Variants in NIPAL1 observed in about 807,000 individuals in gnomAD.
NIPAL1 encodes magnesium transporter NIPA3.
In NIPAL1, 35 loss-of-function variants were observed where a neutral mutation model predicts 37.7. The observed-to-expected ratio is 0.93, with a 90% confidence interval of 0.71 to 1.23. NIPAL1 has a LOEUF of 1.23. Ranked by LOEUF, NIPAL1 falls within the 50% of genes most tolerant of loss-of-function variation. The pLI is 0.00. For missense variants in NIPAL1, 412 were observed against 473.9 expected, an observed-to-expected ratio of 0.87 and a Z score of 1.21; for synonymous variants, 162 against 183.0, an observed-to-expected ratio of 0.89 and a Z score of 0.93.
rs1169816298 is a variant in NIPAL1 at position 48,037,363 on chromosome 4, CTT to C, written c.*1192_*1193del. 1 of 325,360 alleles carries C rather than the reference CTT, an allele frequency of 3.1e-6. No homozygotes were observed. The highest frequency in any genetic ancestry group is 6.1e-6 in the Non-Finnish European group (1 of 163,936). 20.2% of individuals were successfully genotyped at this position (325,360 alleles called of 1,614,324 possible). A position where few individuals can be genotyped will look rare whatever the true frequency, so the allele number is the denominator to read the frequency against. Reference sequence around the variant, plus strand: ...CCAGGTGAATTCAGCTTTGGAGTCACTTATGTTCATTTTTTTTCCTTTTCTTT... The same window carrying C: ...CCAGGTGAATTCAGCTTTGGAGTCACATGTTCATTTTTTTTCCTTTTCTTT... On this transcript the variant is annotated 3_prime_UTR_variant, in exon 6 of 6. Transcript: ENST00000295461.
At position 48,027,146 on chromosome 4, in the gene NIPAL1, AC is replaced by A. The variant is rs1463544480; in HGVS notation, c.313+1813del. On this transcript the variant is annotated intron_variant, in intron 2 of 5. Transcript: ENST00000295461. The surrounding 1 kb of genome is among the most constrained non-coding windows in gnomAD (Gnocchi z 4.1). Reference sequence around the variant, plus strand: ...CCTATATGGAAACACTTTAACTGAAACTAAAAAGCAAATGATATATTGGGGG... The same window carrying A: ...CCTATATGGAAACACTTTAACTGAAATAAAAAGCAAATGATATATTGGGGG... 6.6e-6 allele frequency among the ~76,000 whole-genome samples: 1 copy of A among 152,212 alleles called. No individual in the cohort carries two copies. The highest frequency in any genetic ancestry group is 1.9e-4 in the East Asian group (1 of 5,204).
At position 48,035,975 on chromosome 4, in the gene NIPAL1, A is replaced by G. The variant is rs1401625468; in HGVS notation, c.1036A>G (p.Thr346Ala). The G allele has an allele frequency of 3.1e-6, 5 of 1,613,638 alleles. No individual in the cohort carries two copies. The highest frequency in any genetic ancestry group is 2.7e-5 in the African/African-American group (2 of 74,902). Reference protein sequence around the residue: ...DIIGTLSGFFTIIIGIFLLHA... With the variant: ...DIIGTLSGFFAIIIGIFLLHA... ...CATTGGGACCCTGAGTGGATTCTTCACTATTATCATTGGCATCTTCCTTCT... is the reference window on the plus strand; with the variant it reads ...CATTGGGACCCTGAGTGGATTCTTCGCTATTATCATTGGCATCTTCCTTCT... Residue 346 changes from threonine to alanine, a missense_variant, in exon 6 of 6, where the codon ACT becomes GCT. Coordinates refer to ENST00000295461, the MANE Select transcript of NIPAL1 (RefSeq NM_207330.3).
chr4:48,022,160 C>G (rs894194111), intron 1 of NIPAL1, among the ~76,000 whole-genome samples: 11 of 152,058 alleles, frequency 7.2e-5, no homozygotes, highest in Non-Finnish European at 1.5e-4. Context: ...CTTGAGATGT[C>G]TTTGATTCCT....
At position 48,038,790 on chromosome 4, in the gene NIPAL1, A is replaced by G. The variant is rs1393710308; in HGVS notation, c.*2618A>G. The G allele has an allele frequency of 6.6e-6, 1 of 151,614 alleles. No individual in the cohort carries two copies. The allele number at this position is 151,614 out of a possible 1,614,324, so 9.4% of individuals were successfully genotyped here. ...GTGTTCTGGCGAATTTAAGTTTCAG[A>G]CATTTCTTTGTGTCACCTTTTACAA... On this transcript the variant is annotated 3_prime_UTR_variant, in exon 6 of 6. Coordinates refer to ENST00000295461, the MANE Select transcript of NIPAL1 (RefSeq NM_207330.3).
rs1358787635 is a variant in NIPAL1 at position 48,030,109 on chromosome 4, T to G, written c.314-11T>G. Reference sequence around the variant, plus strand: ...CCCATTTTTTGTTAATTTTTACTTTTTGTATTTTAGGACAAGGTGGACATT... The same window carrying G: ...CCCATTTTTTGTTAATTTTTACTTTGTGTATTTTAGGACAAGGTGGACATT... On this transcript the variant is annotated splice_polypyrimidine_tract_variant and intron_variant, in intron 2 of 5. Coordinates refer to ENST00000295461, the MANE Select transcript of NIPAL1 (RefSeq NM_207330.3). The G allele has an allele frequency of 1.3e-6, 2 of 1,578,604 alleles. No individual in the cohort carries two copies. Among genetic ancestry groups the G allele is most frequent in the South Asian group, 2.2e-5 (2 of 90,210 alleles).
At chr4:48,028,657 C>G (rs1248687809) in intron 2 of NIPAL1, among the ~76,000 whole-genome samples, 1 of 151,980 alleles carries the variant, frequency 6.6e-6, no homozygotes, top group Non-Finnish European at 1.5e-5. Context: ...GGAGAAAAAA[C>G]TTGCAAACTA....
At chr4:48,024,748 G>A (rs56146801) in intron 1 of NIPAL1, among the ~76,000 whole-genome samples, 19 of 152,284 alleles carry the variant, frequency 1.2e-4, no homozygotes, top group Non-Finnish European at 2.4e-4. Flanking sequence ...ACAGCTATTC[G>A]CTGCTCCATC....
chr4:48,021,072 T>A (rs535529309), intron 1 of NIPAL1, among the ~76,000 whole-genome samples: 26 of 152,220 alleles, frequency 1.7e-4, no homozygotes, highest in Non-Finnish European at 2.9e-4. Context: ...ATGTTTTTAT[T>A]TTTCTGAAAT....
At chr4:48,033,784 CT>C (rs1001111703) in intron 4 of NIPAL1, among the ~76,000 whole-genome samples, 1 of 152,182 alleles carries the variant, frequency 6.6e-6, no homozygotes, top group East Asian at 1.9e-4. Context: ...CTTTTCTTGT[CT>C]TTTTGTTTTC....
intron 2 of NIPAL1, 77 bp from the exon 3 acceptor site, chr4:48,030,043 T>G: frequency 1.2e-6 from 1 of 820,690 alleles, no homozygotes; most frequent in East Asian, 2.5e-5. Flanking sequence ...TCCAGTACGC[T>G]TCCTAGAAGT....
rs559600031 is a variant in NIPAL1 at position 48,027,832 on chromosome 4, A to C, written c.314-2288A>C. 1.2e-4 allele frequency among the ~76,000 whole-genome samples: 18 copies of C among 152,336 alleles called. No individual in the cohort carries two copies. The South Asian group carries it at 3.7e-3, about 32-fold the overall frequency. On this transcript the variant is annotated intron_variant, in intron 2 of 5. Transcript: ENST00000295461. The surrounding 1 kb of genome is among the most constrained non-coding windows in gnomAD (Gnocchi z 4.1). The stretch of plus-strand genomic sequence containing the variant: ...ACAAGGTAGAGGTTAAGCAGAGTGC[A>C]TCTGCCCAATGCTTGTTATTCTCTC...
intron 4 of NIPAL1, among the ~76,000 whole-genome samples, chr4:48,033,410 A>G (rs1715862565): frequency 6.6e-6 from 1 of 152,362 alleles, no homozygotes. Flanking sequence ...CCTAAGACAC[A>G]GTGAGTTTGA....
chr4:48,034,254 C>T lies in NIPAL1; in HGVS notation c.462-627C>T, dbSNP rs561928943. 8.5e-5 allele frequency among the ~76,000 whole-genome samples: 13 copies of T among 152,290 alleles called. 1 individual carries two copies. Among genetic ancestry groups the T allele is most frequent in the Admixed American group, 3.9e-4 (6 of 15,286 alleles). On this transcript the variant is annotated intron_variant, in intron 4 of 5. Transcript: ENST00000295461. The stretch of plus-strand genomic sequence containing the variant: ...CCCATGGGCTGCATGTGGCCCAGGA[C>T]GGCTTGGAATGTGGCCCAACATAAA...
Position 48,037,084 on chromosome 4 carries a change from C to T in NIPAL1, c.*912C>T, listed in dbSNP as rs1364862460. 2 of 159,560 alleles carry T rather than the reference C, an allele frequency of 1.3e-5. No homozygotes were observed. Among genetic ancestry groups the T allele is most frequent in the Admixed American group, 6.4e-5 (1 of 15,720 alleles). 9.9% of individuals were successfully genotyped at this position (159,560 alleles called of 1,614,324 possible). On this transcript the variant is annotated 3_prime_UTR_variant, in exon 6 of 6. Transcript: ENST00000295461. ...AAGAAAAAAGAAATTTAAAAAAAAG[C>T]CTGCTTTATTTGTTAGTGGGCTAGA...
At position 48,036,274 on chromosome 4, in the gene NIPAL1, G is replaced by A; in HGVS notation, c.*102G>A. 4.3e-6 allele frequency: 5 copies of A among 1,168,890 alleles called. No homozygotes were observed. The highest frequency in any genetic ancestry group is 6.0e-6 in the Non-Finnish European group (5 of 834,634). 72.4% of individuals were successfully genotyped at this position (1,168,890 alleles called of 1,614,324 possible). On this transcript the variant is annotated 3_prime_UTR_variant, in exon 6 of 6. Coordinates refer to ENST00000295461, the MANE Select transcript of NIPAL1 (RefSeq NM_207330.3). Reference sequence around the variant, plus strand: ...TGCTAGGAAAGTTAGCATTTTTGCAGTTCTAACTAATTTAGATGTGAGGCC... The same window carrying A: ...TGCTAGGAAAGTTAGCATTTTTGCAATTCTAACTAATTTAGATGTGAGGCC...
chr4:48,036,532 G>T lies in NIPAL1; in HGVS notation c.*360G>T. 4.1e-6 allele frequency: 1 copy of T among 244,492 alleles called. No homozygotes were observed. The allele number at this position is 244,492 out of a possible 1,614,324, so 15.1% of individuals were successfully genotyped here. ...GTCATTCACCAATATACAGTTAGCAGTGTTCTGATAGACACAGTATCAGTC... is the reference window on the plus strand; with the variant it reads ...GTCATTCACCAATATACAGTTAGCATTGTTCTGATAGACACAGTATCAGTC... On this transcript the variant is annotated 3_prime_UTR_variant, in exon 6 of 6. Coordinates refer to ENST00000295461, the MANE Select transcript of NIPAL1 (RefSeq NM_207330.3).
chr4:48,016,794 AG>A lies in NIPAL1; in HGVS notation c.-44del, dbSNP rs1424643788. On this transcript the variant is annotated 5_prime_UTR_variant, in exon 1 of 6. Coordinates refer to ENST00000295461, the MANE Select transcript of NIPAL1 (RefSeq NM_207330.3). ...GCCGCGGGTGCGTGTGGAGAGGCCC[AG>A]GTGAGGAGCAAGCGCCCGCGTTCCG... 6.5e-7 allele frequency: 1 copy of A among 1,536,516 alleles called. No homozygotes were observed. The highest frequency in any genetic ancestry group is 8.7e-7 in the Non-Finnish European group (1 of 1,144,206).
chr4:48,020,150 G>A (rs1715541478), intron 1 of NIPAL1, among the ~76,000 whole-genome samples: 1 of 152,146 alleles, frequency 6.6e-6, no homozygotes, highest in Non-Finnish European at 1.5e-5. Flanking sequence ...ATACATATTT[G>A]TTGAATGAAG....
chr4:48,038,816 G>C lies in NIPAL1; in HGVS notation c.*2644G>C, dbSNP rs1444069624. ...CATTTCTTTGTGTCACCTTTTACAA[G>C]GTGTTTGCCCTTGGTACGTTATGAC... On this transcript the variant is annotated 3_prime_UTR_variant, in exon 6 of 6. Coordinates refer to ENST00000295461, the MANE Select transcript of NIPAL1 (RefSeq NM_207330.3). 6.6e-6 allele frequency: 1 copy of C among 152,074 alleles called. No individual in the cohort carries two copies. The highest frequency in any genetic ancestry group is 1.5e-5 in the Non-Finnish European group (1 of 68,012). The allele number at this position is 152,074 out of a possible 1,614,324, so 9.4% of individuals were successfully genotyped here. A position where few individuals can be genotyped will look rare whatever the true frequency, so the allele number is the denominator to read the frequency against.
Sources: allele counts gnomAD v4.1 joint callset (sites outside exome capture counted in the v4.1 genomes callset), GRCh38; gene constraint gnomAD v4.1.1; non-coding constraint Gnocchi (gnomAD v3.1); transcripts MANE v1.5; gene names NCBI Gene and HGNC (gene_info 2026-07-23, HGNC 2026-07-21).